CDX4: variants seen among roughly 807,000 people sequenced by gnomAD.
CDX4 encodes the protein homeobox protein CDX-4.
Under a neutral mutation model 14.1 loss-of-function variants are expected in CDX4, and 11 were observed. The ratio of observed to expected loss-of-function variants is 0.78; its 90% CI spans 0.49 to 1.29. CDX4 has a LOEUF of 1.29. Among genes scored for constraint, CDX4 ranks in the 50% most tolerant of loss-of-function variants. The pLI, the probability that CDX4 is intolerant of heterozygous loss-of-function variation, is 0.00. For missense variants in CDX4, 257 were observed against 237.4 expected (o/e 1.08, Z -0.54); for synonymous variants, 100 against 93.5 (o/e 1.07, Z -0.40).
rs1034322082 is a variant in CDX4 at position 73,452,846 on chromosome X, A to G, written c.503-671A>G. On this transcript the variant is annotated intron_variant, in intron 1 of 2. Coordinates refer to ENST00000373514, the MANE Select transcript of CDX4 (RefSeq NM_005193.2). The stretch of plus-strand genomic sequence containing the variant: ...TTGGGCCATTATTATGCGTCCCAGC[A>G]TATTTGAACTTGGAATAACATTTAG... Among the ~76,000 whole-genome samples, 6 of 111,845 alleles carry G rather than the reference A, an allele frequency of 5.4e-5. 1 individual carries two copies. Among genetic ancestry groups the G allele is most frequent in the Non-Finnish European group, 9.4e-5 (5 of 53,004 alleles).
At position 73,447,633 on chromosome X, in the gene CDX4, G is replaced by A; in HGVS notation, c.380G>A (p.Ser127Asn). Residue 127 changes from serine (S) to asparagine (N), a missense_variant, in exon 1 of 3, where the codon AGC (serine) becomes AAC (asparagine). Ser to Asn is a conservative substitution (Grantham distance 46). Coordinates refer to ENST00000373514, the MANE Select transcript of CDX4 (RefSeq NM_005193.2). ...GPVGGGTSGSSLPGQAGGSLV... is the reference protein window; with the variant it reads ...GPVGGGTSGSNLPGQAGGSLV... The stretch of plus-strand genomic sequence containing the variant: ...GTGGGCGGTGGAACTAGCGGCAGCA[G>A]CCTACCAGGCCAGGCTGGCGGGTCG... 1.7e-6 allele frequency: 2 copies of A among 1,210,863 alleles called. No individual in the cohort carries two copies. The highest frequency in any genetic ancestry group is 1.1e-6 in the Non-Finnish European group (1 of 895,356).
At chrX:73,450,306 A>G (rs1165428274) in intron 1 of CDX4, among the ~76,000 whole-genome samples, 1 of 112,097 alleles carries the variant, frequency 8.9e-6, no homozygotes, top group African/African-American at 3.2e-5. Flanking sequence ...AAAAGAAGGC[A>G]TGTTTATTTC....
At chrX:73,454,316 T>C in intron 2 of CDX4, 63 bp from the exon 3 acceptor site, 1 of 785,848 alleles carries the variant, frequency 1.3e-6, no homozygotes. Context: ...TGCTAAAGTC[T>C]CTGTACAATA....
At chrX:73,448,648 G>T (rs962817241) in intron 1 of CDX4, among the ~76,000 whole-genome samples, 3 of 112,569 alleles carry the variant, frequency 2.7e-5, no homozygotes, top group Non-Finnish European at 5.6e-5. Context: ...GCAAGCCAGT[G>T]GGCGACTGCT....
chrX:73,447,543 C>G lies in CDX4; in HGVS notation c.290C>G (p.Pro97Arg), dbSNP rs777946946. Residue 97 changes from proline to arginine, a missense_variant, in exon 1 of 3, where the codon CCG becomes CGG. Transcript: ENST00000373514. ...PGPSSTMGTV[P>R]VNDVTSSPAA... ...CCGTCTAGTACAATGGGCACAGTGC[C>G]GGTGAACGACGTGACCTCTAGCCCC... 3.3e-6 allele frequency: 4 copies of G among 1,211,230 alleles called. No homozygotes were observed. The East Asian group carries it at 1.2e-4, about 36-fold the overall frequency.
rs1033071233 is a variant in CDX4 at position 73,454,611 on chromosome X, G to A, written c.*26G>A. Reference sequence around the variant, plus strand: ...AAGAAAGCAAAGAGAAATTTAAAGTGCCCTTTTTTTAGTGATGTCTTTTGG... The same window carrying A: ...AAGAAAGCAAAGAGAAATTTAAAGTACCCTTTTTTTAGTGATGTCTTTTGG... On this transcript the variant is annotated 3_prime_UTR_variant, in exon 3 of 3. Coordinates refer to ENST00000373514, the MANE Select transcript of CDX4 (RefSeq NM_005193.2). 4.4e-6 allele frequency: 5 copies of A among 1,124,147 alleles called. No homozygotes were observed. Among genetic ancestry groups the A allele is most frequent in the African/African-American group, 3.6e-5 (2 of 55,326 alleles). 92.6% of individuals were successfully genotyped at this position (1,124,147 alleles called of 1,213,427 possible).
rs781147653 is a variant in CDX4 at position 73,449,472 on chromosome X, TC to T, written c.502+1718del. ...GGCAATTCTAATGCCAGGAAAGGTT[TC>T]GAAACGGGCTCCTTAGTCTCTTGCA... On this transcript the variant is annotated intron_variant, in intron 1 of 2. Transcript: ENST00000373514. Among the ~76,000 whole-genome samples the T allele has an allele frequency of 1.4e-3, 153 of 111,838 alleles. 1 individual carries two copies. Among genetic ancestry groups the T allele is most frequent in the African/African-American group, 4.6e-3 (143 of 30,818 alleles).
rs993320301 is a variant in CDX4, at chrX:73,447,154, T to C, written c.-100T>C. 3.1e-6 allele frequency: 3 copies of C among 965,809 alleles called. No individual in the cohort carries two copies. In the East Asian group the frequency reaches 9.3e-5, roughly 30 times the overall value. The allele number at this position is 965,809 out of a possible 1,213,427, so 79.6% of individuals were successfully genotyped here. A position where few individuals can be genotyped will look rare whatever the true frequency, so the allele number is the denominator to read the frequency against. On this transcript the variant is annotated 5_prime_UTR_variant, in exon 1 of 3. Transcript: ENST00000373514. ...GGTGCAAAAGAGCTTGCGGCACAACTACGTACTGATAAGTTTATTCTCTGC... is the reference window on the plus strand; with the variant it reads ...GGTGCAAAAGAGCTTGCGGCACAACCACGTACTGATAAGTTTATTCTCTGC...
chrX:73,451,474 A>G (rs1403139667), intron 1 of CDX4, among the ~76,000 whole-genome samples: 2 of 111,298 alleles, frequency 1.8e-5, no homozygotes, highest in Non-Finnish European at 3.8e-5. Context: ...TCTTTTTAAC[A>G]CTTCACATGG....
chrX:73,451,587 C>T (rs1309301756), intron 1 of CDX4, among the ~76,000 whole-genome samples: 1 of 111,082 alleles, frequency 9.0e-6, no homozygotes, highest in Non-Finnish European at 1.9e-5. Flanking sequence ...CTGGTCTTGA[C>T]TTTATTGTCC....
At chrX:73,453,835 A>G (rs1317939170) in intron 2 of CDX4, among the ~76,000 whole-genome samples, 173 bp downstream of exon 2, 10 of 111,511 alleles carry the variant, frequency 9.0e-5, no homozygotes, top group African/African-American at 3.3e-4. Flanking sequence ...GATATAAAAT[A>G]TTTCATCACC....
At position 73,447,391 on chromosome X, in the gene CDX4, G is replaced by A. The variant is rs757822096; in HGVS notation, c.138G>A (p.Ala46=). ...GSPMPASNFA[A]APAFSHYMGY... is the part of the protein sequence containing the mutation. ...CGATGCCAGCCTCCAATTTCGCTGC[G>A]GCACCGGCTTTCTCGCACTATATGG... Residue 46 remains alanine, a synonymous_variant, in exon 1 of 3, where the codon GCG becomes GCA. Coordinates refer to ENST00000373514, the MANE Select transcript of CDX4 (RefSeq NM_005193.2). 1 of 1,211,016 alleles carries A rather than the reference G, an allele frequency of 8.3e-7. No homozygotes were observed. Among genetic ancestry groups the A allele is most frequent in the Non-Finnish European group, 1.1e-6 (1 of 895,173 alleles).
chrX:73,452,500 G>T (rs1179306503), intron 1 of CDX4, among the ~76,000 whole-genome samples: 1 of 110,965 alleles, frequency 9.0e-6, no homozygotes, highest in Non-Finnish European at 1.9e-5. Context: ...GAGGAATAAA[G>T]CTCTATTCGA....
intron 1 of CDX4, among the ~76,000 whole-genome samples, chrX:73,453,042 A>G (rs2057094065): frequency 8.9e-6 from 1 of 112,031 alleles, no homozygotes; most frequent in East Asian, 2.8e-4. Flanking sequence ...TAGGAACAGT[A>G]TGAAAAGACT....
chrX:73,452,040 G>C (rs1490217371), intron 1 of CDX4, among the ~76,000 whole-genome samples: 1 of 108,012 alleles, frequency 9.3e-6, no homozygotes, highest in Non-Finnish European at 1.9e-5. Context: ...GGGAAAAGGA[G>C]ATTTTGTTCA....
In CDX4 at chrX:73,454,644, A is replaced by G. The variant is rs1185851517; in HGVS notation, c.*59A>G. On this transcript the variant is annotated 3_prime_UTR_variant, in exon 3 of 3. Transcript: ENST00000373514. The stretch of plus-strand genomic sequence containing the variant: ...TTTAGTGATGTCTTTTGGGTCTCTA[A>G]GCTATCTACAGGGGAGTTGGAGCAG... 1.2e-6 allele frequency: 1 copy of G among 865,412 alleles called. No homozygotes were observed. 71.3% of individuals were successfully genotyped at this position (865,412 alleles called of 1,213,427 possible). A position where few individuals can be genotyped will look rare whatever the true frequency, so the allele number is the denominator to read the frequency against.
intron 1 of CDX4, among the ~76,000 whole-genome samples, chrX:73,452,363 A>G (rs1281756193): frequency 9.0e-6 from 1 of 110,532 alleles, no homozygotes; most frequent in Non-Finnish European, 1.9e-5. Context: ...AAATCACATA[A>G]AAAACAACCA....
chrX:73,450,657 C>G (rs1348259752), intron 1 of CDX4, among the ~76,000 whole-genome samples: 1 of 111,767 alleles, frequency 8.9e-6, no homozygotes, highest in Non-Finnish European at 1.9e-5. Flanking sequence ...ATCATTGTCC[C>G]TTGGTTTTGC....
intron 1 of CDX4, among the ~76,000 whole-genome samples, chrX:73,451,825 C>T (rs2057087949): frequency 3.6e-5 from 4 of 112,091 alleles, no homozygotes; most frequent in Admixed American, 9.4e-5. Context: ...AGATACATTT[C>T]GATCTCAAGA....
Sources: allele counts gnomAD v4.1 joint callset (sites outside exome capture counted in the v4.1 genomes callset), GRCh38; gene constraint gnomAD v4.1.1; transcripts MANE v1.5; gene names NCBI Gene and HGNC (gene_info 2026-07-23, HGNC 2026-07-21).